UBE2D2: variants seen among roughly 807,000 people sequenced by gnomAD.
The protein encoded by UBE2D2 is ubiquitin conjugating enzyme E2 D2.
Under a neutral mutation model 24.2 loss-of-function variants are expected in UBE2D2, and 2 were observed. The observed-to-expected ratio is 0.08, with a 90% CI of 0.03 to 0.26. UBE2D2 has a LOEUF of 0.26. UBE2D2 is among the 10% of genes least tolerant of loss of function. The pLI, the probability that UBE2D2 is intolerant of heterozygous loss-of-function variation, is 1.00. For missense variants in UBE2D2, 44 were observed against 177.6 expected (o/e 0.25, Z 4.28); for synonymous variants, 58 against 56.5 (o/e 1.03, Z -0.12).
At chr5:139,588,025 C>G (rs1489877831) in intron 1 of UBE2D2, among the ~76,000 whole-genome samples, 1 of 152,178 alleles carries the variant, frequency 6.6e-6, no homozygotes, top group African/African-American at 2.4e-5. Context: ...CTAGTCCTGT[C>G]TCTCCATAGC....
At chr5:139,561,888 C>T in intron 1 of UBE2D2, 73 bp downstream of exon 1, 2 of 1,434,150 alleles carry the variant, frequency 1.4e-6, no homozygotes, top group Non-Finnish European at 9.1e-7. Context: ...GCCGTAGTCT[C>T]CGTCGGGCTC....
chr5:139,583,698 G>T (rs1046136152), intron 1 of UBE2D2, among the ~76,000 whole-genome samples: 7 of 152,200 alleles, frequency 4.6e-5, no homozygotes, highest in Admixed American at 2.6e-4. Flanking sequence ...GGAAGTGGAG[G>T]TTGCAGTGAG....
chr5:139,550,904 T>G (rs996212474), intron 1 of UBE2D2, among the ~76,000 whole-genome samples: 2 of 152,138 alleles, frequency 1.3e-5, no homozygotes, highest in African/African-American at 2.4e-5. Context: ...CATGAGAGTC[T>G]GGGGCTTCAT....
At position 139,546,816 on chromosome 5, in the gene UBE2D2, T is replaced by TCC. The variant is rs1233685056; in HGVS notation, c.-64+20204_-64+20205insCC. On this transcript the variant is annotated intron_variant, in intron 1 of 6. Coordinates refer to the UBE2D2 transcript ENST00000511725. ...TTTTCTTTCTTTCTTTCTTCTTTCT[T>TCC]TCTTCCTTCCTTCCTTCCTTCCTTC... Among the ~76,000 whole-genome samples the TCC allele has an allele frequency of 3.8e-4, 42 of 111,760 alleles. No individual in the cohort carries two copies. In the East Asian group the frequency reaches 5.3e-3, roughly 14 times the overall value. The allele number at this position is 111,760 out of a possible 152,430, so 73.3% of individuals were successfully genotyped here.
chr5:139,545,727 A>AT (rs780180254), intron 1 of UBE2D2, among the ~76,000 whole-genome samples: 514 of 129,472 alleles, frequency 4.0e-3, no homozygotes, highest in Middle Eastern at 6.2e-3. Context: ...CCCAGCCTAC[A>AT]TTTTTTTTTT....
chr5:139,558,017 T>C (rs906151105), upstream of UBE2D2, among the ~76,000 whole-genome samples: 2 of 151,834 alleles, frequency 1.3e-5, no homozygotes, highest in Admixed American at 6.6e-5. Context: ...GGAAGATCAC[T>C]TGAGCCAGGA....
intron 1 of UBE2D2, among the ~76,000 whole-genome samples, chr5:139,585,852 A>C (rs1210247923): frequency 1.4e-5 from 2 of 147,712 alleles, no homozygotes; most frequent in Non-Finnish European, 3.0e-5. Context: ...GAGGGGAATC[A>C]CTTGAACCCG....
At chr5:139,562,080 G>A in intron 1 of UBE2D2, 1 of 894,864 alleles carries the variant, frequency 1.1e-6, no homozygotes, top group Non-Finnish European at 1.6e-6. Flanking sequence ...GACTCTTAGG[G>A]CTTCTCTCCA....
chr5:139,594,924 C>T (rs997249570), intron 1 of UBE2D2, among the ~76,000 whole-genome samples: 1 of 152,166 alleles, frequency 6.6e-6, no homozygotes, highest in East Asian at 1.9e-4. Context: ...TACACATCTT[C>T]CTGTATACTT....
At chr5:139,537,015 T>A (rs1752692030) in intron 1 of UBE2D2, among the ~76,000 whole-genome samples, 1 of 151,898 alleles carries the variant, frequency 6.6e-6, no homozygotes, top group African/African-American at 2.4e-5. Flanking sequence ...CCGTTTCTAC[T>A]AAAAATACAA....
In UBE2D2 at chr5:139,627,787, G is replaced by C. The variant is rs2126714207; in HGVS notation, c.*986G>C. ...ACTTCTGAAATGTTCATTTATACTGGTTGCATTTTAAGATCATGAAACAAT... is the reference window on the plus strand; with the variant it reads ...ACTTCTGAAATGTTCATTTATACTGCTTGCATTTTAAGATCATGAAACAAT... On this transcript the variant is annotated 3_prime_UTR_variant, in exon 7 of 7. Coordinates refer to ENST00000398733, the MANE Select transcript of UBE2D2 (RefSeq NM_003339.3). 1.3e-5 allele frequency: 2 copies of C among 152,640 alleles called. No homozygotes were observed. The highest frequency in any genetic ancestry group is 4.2e-4 in the South Asian group (2 of 4,808). 9.5% of individuals were successfully genotyped at this position (152,640 alleles called of 1,614,324 possible).
intron 1 of UBE2D2, among the ~76,000 whole-genome samples, chr5:139,546,119 C>T (rs887299208): frequency 2.0e-5 from 3 of 152,110 alleles, no homozygotes; most frequent in African/African-American, 4.8e-5. Context: ...TCTTGGCTCA[C>T]TGCAACCTCC....
chr5:139,541,089 T>C (rs1303697001), intron 1 of UBE2D2, among the ~76,000 whole-genome samples: 2 of 149,110 alleles, frequency 1.3e-5, no homozygotes, highest in East Asian at 2.0e-4. Flanking sequence ...TTTGAGGTCA[T>C]GAGTTCGAGA....
chr5:139,592,896 C>T (rs1338716257), intron 1 of UBE2D2, among the ~76,000 whole-genome samples: 1 of 151,660 alleles, frequency 6.6e-6, no homozygotes, highest in African/African-American at 2.4e-5. Flanking sequence ...AGCCACCACG[C>T]TTGGCTGCAT....
intron 2 of UBE2D2, among the ~76,000 whole-genome samples, chr5:139,607,528 A>G (rs1754225313): frequency 6.6e-6 from 1 of 152,192 alleles, no homozygotes; most frequent in Non-Finnish European, 1.5e-5. Context: ...TGACCTTAAT[A>G]ACAGTGAAGA....
chr5:139,537,577 C>T (rs912930239), intron 1 of UBE2D2, among the ~76,000 whole-genome samples: 3 of 151,932 alleles, frequency 2.0e-5, no homozygotes, highest in Admixed American at 1.3e-4. Flanking sequence ...TGGTCTCAAA[C>T]TCCTGACCTC....
intron 2 of UBE2D2, among the ~76,000 whole-genome samples, chr5:139,606,932 G>A (rs1024924132): frequency 5.9e-5 from 9 of 152,142 alleles, no homozygotes; most frequent in Non-Finnish European, 1.3e-4. Flanking sequence ...AGCCTCCCAA[G>A]TAGCTGGGAT....
At chr5:139,566,156 T>C (rs1175500012) in intron 1 of UBE2D2, among the ~76,000 whole-genome samples, 3 of 151,852 alleles carry the variant, frequency 2.0e-5, no homozygotes, top group Non-Finnish European at 4.4e-5. Flanking sequence ...GTAGCTGGGA[T>C]TACAGGCACT....
intron 1 of UBE2D2, among the ~76,000 whole-genome samples, chr5:139,532,800 T>G (rs1232215010): frequency 6.6e-6 from 1 of 151,970 alleles, no homozygotes; most frequent in Non-Finnish European, 1.5e-5. Context: ...TTCTACTATT[T>G]TTAATGTGCT....
Sources: gnomAD v4.1 joint callset for allele counts (sites outside exome capture counted in the v4.1 genomes callset) on GRCh38, gnomAD v4.1.1 for gene constraint, MANE v1.5 for transcripts, NCBI Gene and HGNC (gene_info 2026-07-23, HGNC 2026-07-21) for gene names.